Variants in ZFHX3 observed in about 807,000 individuals in gnomAD.
ZFHX3 encodes zinc finger homeobox 3.
ZFHX3 carries 42 observed loss-of-function variants against 279.1 expected under a neutral mutation model. The observed-to-expected ratio is 0.15, with a 90% CI of 0.12 to 0.19. The LOEUF (loss-of-function observed/expected upper bound fraction) is 0.19. ZFHX3 is among the 10% of genes least tolerant of loss of function. ZFHX3 has a pLI of 1.00. For synonymous variants in ZFHX3, 2,293 were observed against 1,957.8 expected (o/e 1.17, Z -4.52); for missense variants, 4,981 against 4,754.0 (o/e 1.05, Z -1.40).
intron 3 of ZFHX3, among the ~76,000 whole-genome samples, chr16:73,412,091 C>T (rs9932478): frequency 0.049 from 7,379 of 152,036 alleles, 507 homozygotes; most frequent in African/African-American, 0.13. Flanking sequence ...CTTGGGAGAG[C>T]GAGGCAGGTG....
At chr16:72,805,336 T>G (rs577999208) in intron 7 of ZFHX3, among the ~76,000 whole-genome samples, 1 of 152,288 alleles carries the variant, frequency 6.6e-6, no homozygotes, top group South Asian at 2.1e-4. Flanking sequence ...GAGACCCTTA[T>G]TCCTACCGCC....
At chr16:73,615,159 AG>A (rs1226718214) in intron 2 of ZFHX3, among the ~76,000 whole-genome samples, 1 of 151,620 alleles carries the variant, frequency 6.6e-6, no homozygotes, top group Non-Finnish European at 1.5e-5. Flanking sequence ...AAAAAAAAAA[AG>A]CTTGACACAA....
chr16:73,053,683 G>A (rs1463527859), intron 1 of ZFHX3, among the ~76,000 whole-genome samples: 4 of 152,116 alleles, frequency 2.6e-5, no homozygotes, highest in Non-Finnish European at 5.9e-5. Flanking sequence ...CAAACCCTAG[G>A]ACGAGGCACA....
intron 2 of ZFHX3, among the ~76,000 whole-genome samples, chr16:73,599,411 G>T (rs1000681505): frequency 6.6e-6 from 1 of 152,212 alleles, no homozygotes; most frequent in Admixed American, 6.5e-5. Flanking sequence ...AAATGAAAAC[G>T]TGGAGCCCCT....
rs950422210 is a variant in ZFHX3 at position 73,116,468 on chromosome 16, A to T, written c.-897+14500T>A. 2.0e-5 allele frequency among the ~76,000 whole-genome samples: 3 copies of T among 152,200 alleles called. No homozygotes were observed. In the East Asian group the frequency reaches 5.8e-4, roughly 29 times the overall value. ...TGTGGAATCGCAAGTGGAGAAGGCC[A>T]GAAGTGGCTGGGGAGGGTGCCAGAC... On this transcript the variant is annotated intron_variant, in intron 7 of 17. Coordinates refer to the ZFHX3 transcript ENST00000641206.
intron 7 of ZFHX3, chr16:73,125,127 CTGTT>C (rs1966547100): frequency 6.6e-6 from 1 of 150,658 alleles, no homozygotes. Flanking sequence ...CACCCAGTCA[CTGTT>C]TGCTGTAATA....
At chr16:72,805,626 T>C (rs2036241392) in intron 7 of ZFHX3, among the ~76,000 whole-genome samples, 1 of 152,216 alleles carries the variant, frequency 6.6e-6, no homozygotes, top group South Asian at 2.1e-4. Flanking sequence ...CTGAGCAGTC[T>C]AGCTAGTTGG....
At chr16:73,261,087 G>A (rs1597249557) in intron 4 of ZFHX3, among the ~76,000 whole-genome samples, 1 of 152,274 alleles carries the variant, frequency 6.6e-6, no homozygotes, top group Admixed American at 6.5e-5. Flanking sequence ...ATTAACTGCA[G>A]CATTATATAG....
At chr16:73,534,274 C>T (rs1333938873) in intron 2 of ZFHX3, among the ~76,000 whole-genome samples, 1 of 152,160 alleles carries the variant, frequency 6.6e-6, no homozygotes, top group Non-Finnish European at 1.5e-5. Flanking sequence ...CTGGAATGCT[C>T]TTCTCCTTAA....
intron 2 of ZFHX3, among the ~76,000 whole-genome samples, chr16:73,583,742 C>A (rs2051886142): frequency 6.6e-6 from 1 of 152,082 alleles, no homozygotes; most frequent in Non-Finnish European, 1.5e-5. Flanking sequence ...AATAAACTCA[C>A]AATTGACAAA....
At chr16:73,860,975 T>A (rs1381040526) in intron 1 of ZFHX3, among the ~76,000 whole-genome samples, 1 of 148,184 alleles carries the variant, frequency 6.7e-6, no homozygotes, top group Non-Finnish European at 1.5e-5. Flanking sequence ...GCTTGTATAT[T>A]TTTTGCAGAT....
intron 1 of ZFHX3, chr16:73,014,945 C>T (rs1001257399): frequency 6.6e-6 from 1 of 152,048 alleles, no homozygotes; most frequent in Non-Finnish European, 1.5e-5. Flanking sequence ...ACACTACCCT[C>T]CTTCTCCAGA....
intron 7 of ZFHX3, among the ~76,000 whole-genome samples, chr16:73,116,980 C>T (rs180725825): frequency 3.3e-5 from 5 of 152,074 alleles, no homozygotes; most frequent in Admixed American, 2.6e-4. Context: ...TGGGAACAGT[C>T]TGAGGGCATG....
chr16:73,479,496 C>T (rs2018827481), intron 2 of ZFHX3, among the ~76,000 whole-genome samples: 1 of 152,170 alleles, frequency 6.6e-6, no homozygotes, highest in South Asian at 2.1e-4. Flanking sequence ...CAAACGTAGT[C>T]ATCACCTCCT....
At chr16:73,516,962 C>T (rs906771735) in intron 2 of ZFHX3, among the ~76,000 whole-genome samples, 13 of 152,170 alleles carry the variant, frequency 8.5e-5, no homozygotes, top group African/African-American at 3.1e-4. Flanking sequence ...TGTGTTGATA[C>T]ATGAGATCAA....
At chr16:73,712,041 A>T (rs1246414713) in intron 1 of ZFHX3, among the ~76,000 whole-genome samples, 1 of 152,224 alleles carries the variant, frequency 6.6e-6, no homozygotes, top group Non-Finnish European at 1.5e-5. Context: ...CACTGAATAA[A>T]CAACCATTCT....
At chr16:73,079,547 C>T (rs1965922806) in intron 8 of ZFHX3, among the ~76,000 whole-genome samples, 1 of 151,996 alleles carries the variant, frequency 6.6e-6, no homozygotes, top group Non-Finnish European at 1.5e-5. Flanking sequence ...CTATGTGGCC[C>T]AGGCTGTTCT....
intron 2 of ZFHX3, among the ~76,000 whole-genome samples, chr16:73,645,561 T>A (rs991329747): frequency 6.6e-6 from 1 of 152,228 alleles, no homozygotes; most frequent in Non-Finnish European, 1.5e-5. Context: ...TTCTAAGCAT[T>A]TAAATCTTTT....
rs1461262698 is a variant in ZFHX3, at chr16:72,784,263, AC to A, written c.*2900del. On this transcript the variant is annotated 3_prime_UTR_variant, in exon 10 of 10. Transcript: ENST00000268489. Reference sequence around the variant, plus strand: ...CATAGTAGCTCCATGAAAAAAAAAAACAAAAACAAAAACAAAAACCCAAACC... The same window carrying A: ...CATAGTAGCTCCATGAAAAAAAAAAAAAAAACAAAAACAAAAACCCAAACC... 13 of 149,866 alleles carry A rather than the reference AC, an allele frequency of 8.7e-5. No homozygotes were observed. The highest frequency in any genetic ancestry group is 2.7e-4 in the African/African-American group (11 of 40,428). 9.3% of individuals were successfully genotyped at this position (149,866 alleles called of 1,614,324 possible).
Sources: allele counts gnomAD v4.1 joint callset (sites outside exome capture counted in the v4.1 genomes callset), GRCh38; gene constraint gnomAD v4.1.1; transcripts MANE v1.5; gene names NCBI Gene and HGNC (gene_info 2026-07-23, HGNC 2026-07-21).